DIS3L2: variants seen among roughly 807,000 people sequenced by gnomAD.
DIS3L2 encodes the protein DIS3-like exonuclease 2.
Under a neutral mutation model 97.5 loss-of-function variants are expected in DIS3L2, and 34 were observed. The observed-to-expected ratio is 0.35, with a 90% CI of 0.27 to 0.46. The LOEUF (loss-of-function observed/expected upper bound fraction) is 0.46, where lower values mean the gene tolerates loss of function less well. Among genes scored for constraint, DIS3L2 ranks in the 20% least tolerant of loss-of-function variants. DIS3L2 has a pLI of 1.00. For missense variants in DIS3L2, 1,038 were observed against 1,146.0 expected (o/e 0.91, Z 1.36); for synonymous variants, 435 against 445.2 (o/e 0.98, Z 0.29).
chr2:232,103,127 C>T (rs551147721), intron 6 of DIS3L2, among the ~76,000 whole-genome samples: 3 of 152,136 alleles, frequency 2.0e-5, no homozygotes, highest in East Asian at 1.9e-4. Context: ...AAAAGTGAAA[C>T]GTTCATTTGC....
At chr2:232,230,106 G>A (rs1348534327) in intron 10 of DIS3L2, among the ~76,000 whole-genome samples, 1 of 152,146 alleles carries the variant, frequency 6.6e-6, no homozygotes, top group East Asian at 1.9e-4. Flanking sequence ...CTGGTGGTCA[G>A]CTTTTGTGTA....
At chr2:232,159,846 A>G (rs1043525796) in intron 8 of DIS3L2, among the ~76,000 whole-genome samples, 1 of 152,088 alleles carries the variant, frequency 6.6e-6, no homozygotes, top group African/African-American at 2.4e-5. Flanking sequence ...ATTTTGTCAA[A>G]TGCTTTTTCT....
intron 5 of DIS3L2, among the ~76,000 whole-genome samples, chr2:232,032,417 A>T (rs1407156802): frequency 6.6e-6 from 1 of 152,112 alleles, no homozygotes; most frequent in African/African-American, 2.4e-5. Context: ...TGTCAGATGG[A>T]TAGATTGCAA....
intron 6 of DIS3L2, among the ~76,000 whole-genome samples, chr2:232,100,192 A>ATTTTTTT: frequency 1.8e-5 from 2 of 112,524 alleles, no homozygotes; most frequent in Non-Finnish European, 3.6e-5. Context: ...CCCTGCTAAT[A>ATTTTTTT]TTTTTTTTTT....
chr2:232,264,661 ACTT>A (rs1233922504), intron 13 of DIS3L2, among the ~76,000 whole-genome samples: 1 of 152,188 alleles, frequency 6.6e-6, no homozygotes, highest in East Asian at 1.9e-4. Context: ...CCTCATGCAG[ACTT>A]CTTTCCCTGA....
chr2:232,075,772 A>G (rs1473941389), intron 5 of DIS3L2, among the ~76,000 whole-genome samples: 2 of 151,970 alleles, frequency 1.3e-5, no homozygotes, highest in Admixed American at 1.3e-4. Flanking sequence ...CCCTTGCTTC[A>G]GGTTGTTCTT....
chr2:232,073,657 G>A (rs984885023), intron 5 of DIS3L2, among the ~76,000 whole-genome samples: 1 of 152,094 alleles, frequency 6.6e-6, no homozygotes, highest in Non-Finnish European at 1.5e-5. Context: ...CTTGGAGTTC[G>A]GGTGAGCCAG....
intron 1 of DIS3L2, among the ~76,000 whole-genome samples, chr2:231,986,603 G>T (rs999635567): frequency 3.3e-5 from 5 of 152,140 alleles, no homozygotes; most frequent in African/African-American, 9.7e-5. Context: ...AAGCAAAAAT[G>T]AGAACTTTAC....
intron 8 of DIS3L2, among the ~76,000 whole-genome samples, chr2:232,141,983 A>G (rs1690061062): frequency 1.3e-5 from 2 of 152,228 alleles, no homozygotes; most frequent in African/African-American, 4.8e-5. Flanking sequence ...AGTTTGTTTC[A>G]TTGAAGCATA....
intron 9 of DIS3L2, among the ~76,000 whole-genome samples, chr2:232,197,107 A>G (rs1360151224): frequency 6.6e-6 from 1 of 152,154 alleles, no homozygotes. Context: ...AATTCAAAGG[A>G]TGAGAAAAGA....
intron 11 of DIS3L2, among the ~76,000 whole-genome samples, chr2:232,246,088 C>T (rs899315982): frequency 1.3e-5 from 2 of 152,164 alleles, no homozygotes; most frequent in East Asian, 3.8e-4. Flanking sequence ...GTCTGTGGCA[C>T]TCAAGGCACC....
chr2:232,237,862 A>G (rs1254895801), intron 10 of DIS3L2, among the ~76,000 whole-genome samples: 2 of 152,218 alleles, frequency 1.3e-5, no homozygotes, highest in Non-Finnish European at 2.9e-5. Flanking sequence ...GTATGAGCCA[A>G]GCCAACATCT....
chr2:232,173,818 A>G (rs1691065005), intron 9 of DIS3L2, among the ~76,000 whole-genome samples: 1 of 152,210 alleles, frequency 6.6e-6, no homozygotes, highest in African/African-American at 2.4e-5. Context: ...TTATGCCAGT[A>G]CCACACTGTC....
intron 8 of DIS3L2, among the ~76,000 whole-genome samples, chr2:232,148,528 C>T (rs1690290535): frequency 6.6e-6 from 1 of 152,010 alleles, no homozygotes; most frequent in Non-Finnish European, 1.5e-5. Context: ...CTCTGGAACT[C>T]GTAAAATAAA....
intron 8 of DIS3L2, among the ~76,000 whole-genome samples, chr2:232,159,086 G>T (rs1690578460): frequency 6.6e-6 from 1 of 152,098 alleles, no homozygotes; most frequent in Admixed American, 6.5e-5. Flanking sequence ...TTAATTGTCT[G>T]GGTTCCTGGT....
At chr2:232,247,481 C>T (rs537387428) in intron 11 of DIS3L2, among the ~76,000 whole-genome samples, 49 of 152,046 alleles carry the variant, frequency 3.2e-4, no homozygotes, top group African/African-American at 1.2e-3. Context: ...GTGTCTCTTT[C>T]TTGTCTTATA....
chr2:232,242,788 C>G (rs1469085860), intron 11 of DIS3L2, among the ~76,000 whole-genome samples: 3 of 152,202 alleles, frequency 2.0e-5, no homozygotes, highest in Non-Finnish European at 4.4e-5. Context: ...TTCTCCACGG[C>G]CAGCTCTTAA....
At chr2:232,332,916 G>C (rs570681058) in intron 16 of DIS3L2, among the ~76,000 whole-genome samples, 8 of 152,110 alleles carry the variant, frequency 5.3e-5, no homozygotes, top group Non-Finnish European at 1.0e-4. Context: ...CCTGAGGCCC[G>C]TATTGCACAG....
intron 5 of DIS3L2, among the ~76,000 whole-genome samples, chr2:232,054,552 A>G (rs1695492564): frequency 6.6e-6 from 1 of 152,230 alleles, no homozygotes; most frequent in African/African-American, 2.4e-5. Flanking sequence ...ATAGTATTAT[A>G]TGCTTAAAGT....
Sources: allele counts gnomAD v4.1 joint callset (sites outside exome capture counted in the v4.1 genomes callset), GRCh38; gene constraint gnomAD v4.1.1; transcripts MANE v1.5; gene names NCBI Gene and HGNC (gene_info 2026-07-23, HGNC 2026-07-21).